MAGI3: variants seen among roughly 807,000 people sequenced by gnomAD.
MAGI3 encodes membrane associated guanylate kinase, WW and PDZ domain containing 3.
In MAGI3, 43 loss-of-function variants were observed where a neutral mutation model predicts 121.8. That is an observed-to-expected ratio of 0.35 (90% CI 0.28 to 0.46). The LOEUF is 0.46. MAGI3 is among the 20% of genes least tolerant of loss of function. The pLI, the probability that MAGI3 is intolerant of heterozygous loss-of-function variation, is 1.00. For synonymous variants in MAGI3, 553 were observed against 639.3 expected, an observed-to-expected ratio of 0.86 and a Z score of 2.04; for missense variants, 1,547 against 1,797.3, an observed-to-expected ratio of 0.86 and a Z score of 2.52.
intron 19 of MAGI3, among the ~76,000 whole-genome samples, chr1:113,674,985 T>G (rs1184613935): frequency 6.6e-6 from 1 of 152,166 alleles, no homozygotes; most frequent in Non-Finnish European, 1.5e-5. Context: ...GAAGTATAAG[T>G]CATGTACAGG....
chr1:113,673,256 T>C (rs1647671636), intron 18 of MAGI3, 66 bp from the exon 19 acceptor site: 2 of 1,517,654 alleles, frequency 1.3e-6, no homozygotes, highest in Admixed American at 4.2e-5. Flanking sequence ...ATAGAAGTAA[T>C]CTTTCTTCAA....
intron 1 of MAGI3, among the ~76,000 whole-genome samples, chr1:113,483,945 A>G (rs1314519610): frequency 6.6e-6 from 1 of 151,986 alleles, no homozygotes; most frequent in African/African-American, 2.4e-5. Flanking sequence ...GACCCATTTG[A>G]GAGTGAGTTG....
At chr1:113,612,414 T>C (rs554303319) in intron 6 of MAGI3, among the ~76,000 whole-genome samples, 1 of 152,274 alleles carries the variant, frequency 6.6e-6, no homozygotes, top group East Asian at 1.9e-4. Context: ...TGGGTTATAT[T>C]TCTAATTTTT....
At chr1:113,599,076 G>C (rs989633821) in intron 6 of MAGI3, among the ~76,000 whole-genome samples, 3 of 152,058 alleles carry the variant, frequency 2.0e-5, no homozygotes, top group Admixed American at 6.6e-5. Context: ...CTTTATTTCT[G>C]CCTTCATTTC....
intron 19 of MAGI3, among the ~76,000 whole-genome samples, chr1:113,676,256 A>G (rs141893473): frequency 2.3e-3 from 350 of 152,302 alleles, no homozygotes; most frequent in African/African-American, 8.0e-3. Context: ...GCCTTAAAGC[A>G]AAGTCTAGTT....
At chr1:113,606,681 A>T (rs902846554) in intron 6 of MAGI3, among the ~76,000 whole-genome samples, 2 of 152,122 alleles carry the variant, frequency 1.3e-5, no homozygotes, top group Admixed American at 1.3e-4. Context: ...TTTAAAACTA[A>T]ATTGACATCT....
At chr1:113,411,982 G>A (rs997755667) in intron 1 of MAGI3, among the ~76,000 whole-genome samples, 4 of 151,724 alleles carry the variant, frequency 2.6e-5, no homozygotes, top group Non-Finnish European at 5.9e-5. Flanking sequence ...CCATCAACTC[G>A]TATTTACATT....
At chr1:113,609,729 G>A (rs1303290352) in intron 6 of MAGI3, among the ~76,000 whole-genome samples, 2 of 152,116 alleles carry the variant, frequency 1.3e-5, no homozygotes, top group Non-Finnish European at 2.9e-5. Context: ...CCTATTTGGG[G>A]AAGAGGAAAG....
At chr1:113,414,498 G>T (rs1206800424) in intron 1 of MAGI3, among the ~76,000 whole-genome samples, 1 of 151,946 alleles carries the variant, frequency 6.6e-6, no homozygotes, top group Non-Finnish European at 1.5e-5. Context: ...CTGTGAATCC[G>T]TCTGGTCCTG....
In MAGI3 at chr1:113,622,885, A is replaced by C; in HGVS notation, c.1251A>C (p.Thr417=). ...TTCGAGCATCACTGAAAAAAAGCAC[A>C]ATGGGATTTGGTTTTACTATTATTG... ...VLVRASLKKS[T]MGFGFTIIGG... The change falls in exon 9 of 21, where the codon ACA becomes ACC. Residue 417 remains threonine, a synonymous_variant. Coordinates refer to ENST00000307546, the MANE Select transcript of MAGI3 (RefSeq NM_001142782.2). 6.2e-7 allele frequency: 1 copy of C among 1,604,452 alleles called. No homozygotes were observed. The highest frequency in any genetic ancestry group is 8.5e-7 in the Non-Finnish European group (1 of 1,176,506).
chr1:113,683,581 G>GGAAAGATGCAAAGCA lies in MAGI3; in HGVS notation c.4017_4031dup (p.Lys1339_Gln1343dup). On this transcript the variant is annotated inframe_insertion, in exon 21 of 21. Transcript: ENST00000307546. ...GGGAAGGAAAAATCAGACGTCATCA[G>GGAAAGATGCAAAGCA]GAAAGATGCAAAGCAGAATCAGTTG... 1.9e-6 allele frequency: 3 copies of GGAAAGATGCAAAGCA among 1,613,820 alleles called. No homozygotes were observed. The highest frequency in any genetic ancestry group is 2.5e-6 in the Non-Finnish European group (3 of 1,179,884).
intron 2 of MAGI3, among the ~76,000 whole-genome samples, chr1:113,559,567 C>CTTTTTTTTTTTTTTTTT (rs200737453): frequency 6.6e-6 from 1 of 150,598 alleles, no homozygotes; most frequent in African/African-American, 2.4e-5. Flanking sequence ...CATAAAGTTC[C>CTTTTTTTTTTTTTTTTT]TTTTTTTTGT....
intron 11 of MAGI3, among the ~76,000 whole-genome samples, chr1:113,644,874 C>T (rs1652746942): frequency 6.6e-6 from 1 of 152,106 alleles, no homozygotes; most frequent in Non-Finnish European, 1.5e-5. Flanking sequence ...CCTTTGGAGT[C>T]TTTTATCTCA....
chr1:113,517,309 T>C (rs1657974475), intron 1 of MAGI3, among the ~76,000 whole-genome samples: 1 of 151,876 alleles, frequency 6.6e-6, no homozygotes. Flanking sequence ...AATCTAAAAC[T>C]TTTCTAAAAT....
intron 1 of MAGI3, among the ~76,000 whole-genome samples, chr1:113,397,854 C>T (rs915926929): frequency 1.3e-5 from 2 of 151,938 alleles, no homozygotes; most frequent in African/African-American, 4.8e-5. Context: ...TGGTTAATAG[C>T]CCTATTTTTG....
At chr1:113,509,195 A>G (rs553388379) in intron 1 of MAGI3, among the ~76,000 whole-genome samples, 1 of 151,954 alleles carries the variant, frequency 6.6e-6, no homozygotes, top group Admixed American at 6.6e-5. Flanking sequence ...AAAATCGTTT[A>G]CTCATTTTAA....
At chr1:113,443,185 C>G (rs183374208) in intron 1 of MAGI3, among the ~76,000 whole-genome samples, 33 of 152,072 alleles carry the variant, frequency 2.2e-4, no homozygotes, top group Non-Finnish European at 7.4e-5. Context: ...CATAATTTTA[C>G]AGTAGTAATT....
chr1:113,590,667 A>C lies in MAGI3; in HGVS notation c.938+9A>C. 6.2e-7 allele frequency: 1 copy of C among 1,611,784 alleles called. No individual in the cohort carries two copies. ...ATGATCTACTTCATTGAGTAAGCAA[A>C]TGTCTCTATCTCTTCTAATGTGCCC... On this transcript the variant is annotated intron_variant, in intron 5 of 20. Transcript: ENST00000307546.
intron 1 of MAGI3, among the ~76,000 whole-genome samples, chr1:113,508,124 A>C (rs1401595180): frequency 6.6e-6 from 1 of 152,234 alleles, no homozygotes; most frequent in Non-Finnish European, 1.5e-5. Flanking sequence ...AACAAAAATT[A>C]TATAGAATTA....
Sources: allele counts gnomAD v4.1 joint callset (sites outside exome capture counted in the v4.1 genomes callset), GRCh38; gene constraint gnomAD v4.1.1; transcripts MANE v1.5; gene names NCBI Gene and HGNC (gene_info 2026-07-23, HGNC 2026-07-21).